The following CNTNAP2 variants were observed in gnomAD, a reference collection of about 807,000 sequenced individuals.
CNTNAP2 encodes contactin associated protein 2.
In CNTNAP2, 98 loss-of-function variants were observed where a neutral mutation model predicts 155.2. That is an observed-to-expected ratio of 0.63 (90% CI 0.54 to 0.75). The LOEUF (loss-of-function observed/expected upper bound fraction) is 0.75, where lower values mean the gene tolerates loss of function less well. CNTNAP2 is among the 30% of genes least tolerant of loss of function. The probability of loss-of-function intolerance (pLI) is 0.00; values close to 1 mark genes in which losing one functional copy is unlikely to be tolerated. For synonymous variants in CNTNAP2, 651 were observed against 631.2 expected (o/e 1.03, Z -0.47); for missense variants, 1,727 against 1,688.1 (o/e 1.02, Z -0.40).
At chr7:146,707,808 T>G (rs10487922) in intron 1 of CNTNAP2, among the ~76,000 whole-genome samples, 22,039 of 152,166 alleles carry the variant, frequency 0.14, 3,396 homozygotes, top group African/African-American at 0.39. Flanking sequence ...AATAAGAATG[T>G]GCATCTGTAA....
At chr7:148,053,049 A>G (rs1802925159) in intron 15 of CNTNAP2, among the ~76,000 whole-genome samples, 1 of 152,242 alleles carries the variant, frequency 6.6e-6, no homozygotes, top group Non-Finnish European at 1.5e-5. Context: ...TCCGTCTCAA[A>G]AAAACAAGAA....
chr7:146,295,134 T>A (rs1584853537), intron 1 of CNTNAP2, among the ~76,000 whole-genome samples: 1 of 152,182 alleles, frequency 6.6e-6, no homozygotes, highest in East Asian at 1.9e-4. Flanking sequence ...TCAGTCATAG[T>A]CACTACATTT....
At chr7:146,756,859 C>T (rs1433760918) in intron 1 of CNTNAP2, among the ~76,000 whole-genome samples, 1 of 151,986 alleles carries the variant, frequency 6.6e-6, no homozygotes, top group Non-Finnish European at 1.5e-5. Flanking sequence ...TTAAATAGTA[C>T]TAAACATTTG....
intron 17 of CNTNAP2, among the ~76,000 whole-genome samples, chr7:148,168,290 T>C (rs1160725708): frequency 6.6e-6 from 1 of 151,842 alleles, no homozygotes; most frequent in African/African-American, 2.4e-5. Flanking sequence ...CTATTCACAA[T>C]AGCAAAGACT....
At chr7:148,033,263 G>T (rs1412367921) in intron 15 of CNTNAP2, among the ~76,000 whole-genome samples, 1 of 151,962 alleles carries the variant, frequency 6.6e-6, no homozygotes, top group African/African-American at 2.4e-5. Context: ...TCGTAATTTA[G>T]AAGATGTATC....
At chr7:146,381,200 C>T (rs914687202) in intron 1 of CNTNAP2, among the ~76,000 whole-genome samples, 3 of 152,082 alleles carry the variant, frequency 2.0e-5, no homozygotes, top group Non-Finnish European at 4.4e-5. Context: ...AGACTCAATG[C>T]ACTTTGGCAC....
chr7:148,331,782 A>AGGTGGAATGGACG (rs1250876609), intron 21 of CNTNAP2, among the ~76,000 whole-genome samples: 1 of 13,958 alleles, frequency 7.2e-5, no homozygotes, highest in Non-Finnish European at 2.1e-4. Flanking sequence ...TGGAATGGAC[A>AGGTGGAATGGACG]GATGGAGTGG....
intron 9 of CNTNAP2, among the ~76,000 whole-genome samples, chr7:147,348,728 G>C (rs1057251519): frequency 2.0e-5 from 3 of 151,962 alleles, no homozygotes; most frequent in African/African-American, 7.3e-5. Flanking sequence ...CAGTAACCAA[G>C]ACATGGAATC....
Position 147,170,004 on chromosome 7 carries a change from G to T in CNTNAP2, c.1348+37495G>T, listed in dbSNP as rs529763116. Among the ~76,000 whole-genome samples, 5 of 151,784 alleles carry T rather than the reference G, an allele frequency of 3.3e-5. No individual in the cohort carries two copies. The East Asian group carries it at 9.8e-4, about 30-fold the overall frequency. On this transcript the variant is annotated intron_variant, in intron 8 of 23. Coordinates refer to ENST00000361727, the MANE Select transcript of CNTNAP2 (RefSeq NM_014141.6). ...TGAGGAGGTAGTGGGCTCGTTTGGGGGTAAGGAGGCACTCTGGCTTCTTGA... is the reference window on the plus strand; with the variant it reads ...TGAGGAGGTAGTGGGCTCGTTTGGGTGTAAGGAGGCACTCTGGCTTCTTGA...
At chr7:147,167,593 G>A (rs545099570) in intron 8 of CNTNAP2, 2 of 754,448 alleles carry the variant, frequency 2.7e-6, no homozygotes, top group East Asian at 5.8e-5. Flanking sequence ...TGAAGCTGGA[G>A]CCCAGCATCA....
intron 1 of CNTNAP2, among the ~76,000 whole-genome samples, chr7:146,714,906 C>T (rs1348661503): frequency 6.6e-5 from 10 of 152,116 alleles, no homozygotes; most frequent in Admixed American, 3.3e-4. Context: ...AGAGGTTAGG[C>T]GCTTAACCTC....
At chr7:146,687,453 T>A (rs1563188914) in intron 1 of CNTNAP2, among the ~76,000 whole-genome samples, 1 of 152,112 alleles carries the variant, frequency 6.6e-6, no homozygotes, top group Non-Finnish European at 1.5e-5. Flanking sequence ...TTAGCTACAG[T>A]CCTCATCATT....
intron 9 of CNTNAP2, among the ~76,000 whole-genome samples, chr7:147,332,304 G>C (rs1302435155): frequency 6.6e-6 from 1 of 152,090 alleles, no homozygotes; most frequent in African/African-American, 2.4e-5. Flanking sequence ...AGGGCAAAAC[G>C]GAAAACATTC....
chr7:147,018,229 T>C (rs1337512066), intron 3 of CNTNAP2, among the ~76,000 whole-genome samples: 1 of 152,098 alleles, frequency 6.6e-6, no homozygotes, highest in African/African-American at 2.4e-5. Flanking sequence ...GTACCAATTA[T>C]ACTGGTTAGG....
chr7:146,454,920 T>A (rs1337261037), intron 1 of CNTNAP2, among the ~76,000 whole-genome samples: 1 of 152,180 alleles, frequency 6.6e-6, no homozygotes, highest in African/African-American at 2.4e-5. Context: ...CCTTACTTTC[T>A]CTGAAACCAG....
At chr7:147,187,904 A>G (rs1802600674) in intron 8 of CNTNAP2, among the ~76,000 whole-genome samples, 1 of 152,138 alleles carries the variant, frequency 6.6e-6, no homozygotes, top group Non-Finnish European at 1.5e-5. Context: ...TACCAAAAAT[A>G]TAAAATATTA....
intron 11 of CNTNAP2, among the ~76,000 whole-genome samples, chr7:147,539,405 T>C (rs1284073233): frequency 6.6e-6 from 1 of 152,144 alleles, no homozygotes; most frequent in Non-Finnish European, 1.5e-5. Flanking sequence ...CCAAAGCTCA[T>C]AAACAGAAGA....
chr7:146,771,084 C>T (rs982092018), intron 1 of CNTNAP2, among the ~76,000 whole-genome samples: 3 of 152,124 alleles, frequency 2.0e-5, no homozygotes, highest in African/African-American at 7.2e-5. Flanking sequence ...GAGAAGGCAG[C>T]ATAAAATAGC....
intron 11 of CNTNAP2, among the ~76,000 whole-genome samples, chr7:147,514,436 A>G (rs954585122): frequency 4.6e-5 from 7 of 151,982 alleles, no homozygotes; most frequent in Non-Finnish European, 1.0e-4. Flanking sequence ...ATCTACTTTA[A>G]AAGTCTATTA....
Sources: allele counts gnomAD v4.1 joint callset (sites outside exome capture counted in the v4.1 genomes callset), GRCh38; gene constraint gnomAD v4.1.1; transcripts MANE v1.5; gene names NCBI Gene and HGNC (gene_info 2026-07-23, HGNC 2026-07-21).